Variants in EIF4G1 observed in about 807,000 individuals in gnomAD.
EIF4G1 encodes the protein eukaryotic translation initiation factor 4 gamma 1.
Under a neutral mutation model 187.8 loss-of-function variants are expected in EIF4G1, and 4 were observed. That is an observed-to-expected ratio of 0.02 (90% CI 0.01 to 0.05). EIF4G1 has a LOEUF of 0.05. Among genes scored for constraint, EIF4G1 ranks in the 10% least tolerant of loss-of-function variants. EIF4G1 has a pLI of 1.00. For synonymous variants in EIF4G1, 844 were observed against 781.4 expected (o/e 1.08, Z -1.34); for missense variants, 1,647 against 2,081.1 (o/e 0.79, Z 4.06).
Position 184,317,382 on chromosome 3 carries a change from C to G in EIF4G1, c.209C>G (p.Ala70Gly), listed in dbSNP as rs1722986368. The G allele has an allele frequency of 1.9e-6, 3 of 1,613,978 alleles. No homozygotes were observed. The highest frequency in any genetic ancestry group is 1.3e-5 in the African/African-American group (1 of 74,892). The change falls in exon 5 of 33, where the codon GCC becomes GGC. Residue 70 changes from alanine (A) to glycine (G), a missense_variant. Coordinates refer to ENST00000346169, the MANE Select transcript of EIF4G1 (RefSeq NM_198241.3). ...SSAASRVQSA[A>G]PARPGPAAHV... Reference sequence around the variant, plus strand: ...GCAGCCTCCCGAGTGCAGAGTGCAGCCCCTGCCCGCCCTGGCCCAGCTGCC... The same window carrying G: ...GCAGCCTCCCGAGTGCAGAGTGCAGGCCCTGCCCGCCCTGGCCCAGCTGCC...
intron 32 of EIF4G1, among the ~76,000 whole-genome samples, chr3:184,333,783 T>C (rs1560234854): frequency 6.6e-6 from 1 of 152,332 alleles, no homozygotes; most frequent in East Asian, 1.9e-4. Flanking sequence ...AACAGGGCTT[T>C]TTGTTTTTAG....
chr3:184,328,183 G>A, intron 26 of EIF4G1, 181 bp downstream of exon 26: 1 of 686,912 alleles, frequency 1.5e-6, no homozygotes, highest in Non-Finnish European at 2.5e-6. Flanking sequence ...GATCACGTGA[G>A]GTTGGGAGTT....
chr3:184,317,536 C>T, intron 5 of EIF4G1, 39 bp downstream of exon 5: 1 of 1,611,726 alleles, frequency 6.2e-7, no homozygotes, highest in South Asian at 1.1e-5. Flanking sequence ...CCACAGACCC[C>T]TATACCTCTC....
rs1577204568 is a variant in EIF4G1 at position 184,321,302 on chromosome 3, A to G, written c.718A>G (p.Ile240Val). 2 of 1,614,112 alleles carry G rather than the reference A, an allele frequency of 1.2e-6. No individual in the cohort carries two copies. The highest frequency in any genetic ancestry group is 1.3e-5 in the African/African-American group (1 of 75,014). ...TGCAGATGACCGGTCACAGGGAGCAATCATTGCTGACCGGCCAGGGCTGCC... is the reference window on the plus strand; with the variant it reads ...TGCAGATGACCGGTCACAGGGAGCAGTCATTGCTGACCGGCCAGGGCTGCC... ...VRPDDRSQGA[I>V]IADRPGLPGP... is the part of the protein sequence containing the mutation. Residue 240 changes from isoleucine to valine, a missense_variant, in exon 10 of 33, where the codon ATC (isoleucine) becomes GTC (valine). This residue lies in a region of EIF4G1 where 522 missense variants were observed against 485.2 expected (regional missense o/e 1.08). Coordinates refer to ENST00000346169, the MANE Select transcript of EIF4G1 (RefSeq NM_198241.3).
intron 26 of EIF4G1, chr3:184,328,288 G>A (rs1207574558): frequency 2.1e-6 from 1 of 484,824 alleles, no homozygotes; most frequent in African/African-American, 1.9e-5. Context: ...GCTACTCGGA[G>A]GCTGAGGCAG....
Position 184,325,810 on chromosome 3 carries a change from G to C in EIF4G1, c.3122-41G>C. 1 of 1,613,904 alleles carries C rather than the reference G, an allele frequency of 6.2e-7. No individual in the cohort carries two copies. Among genetic ancestry groups the C allele is most frequent in the Non-Finnish European group, 8.5e-7 (1 of 1,179,768 alleles). On this transcript the variant is annotated intron_variant, in intron 20 of 32. Transcript: ENST00000346169. This position sits in a 1 kb window ranked among gnomAD's most constrained non-coding sequence, Gnocchi z 5.2. ...TGGCCCAAGGGGAAGGGGCTGCTAG[G>C]ATTTATTCATTATTCCAGTATGCCC... is the stretch of plus-strand genomic sequence containing the variant.
In EIF4G1 at chr3:184,333,579, G is replaced by A. The variant is rs16858680; in HGVS notation, c.4619-1148G>A. ...ATGCCAGATGCTGCTGTGAGCGTTT[G>A]TAGGAGTGGGCCTGAAAATGCAGGA... On this transcript the variant is annotated intron_variant, in intron 32 of 32. Coordinates refer to ENST00000346169, the MANE Select transcript of EIF4G1 (RefSeq NM_198241.3). Among the ~76,000 whole-genome samples the A allele has an allele frequency of 8.0e-3, 1,211 of 152,248 alleles. 17 individuals are homozygous for A. Among genetic ancestry groups the A allele is most frequent in the African/African-American group, 0.027 (1,133 of 41,542 alleles).
chr3:184,321,289 G>C lies in EIF4G1; in HGVS notation c.705G>C (p.Arg235=). The change falls in exon 10 of 33, where the codon CGG becomes CGC. Residue 235 remains arginine, a synonymous_variant. Coordinates refer to ENST00000346169, the MANE Select transcript of EIF4G1 (RefSeq NM_198241.3). ...TTCCTTCCTATGGTGCAGATGACCG[G>C]TCACAGGGAGCAATCATTGCTGACC... ...QVAVIVRPDD[R]SQGAIIADRP... 6.2e-7 allele frequency: 1 copy of C among 1,614,076 alleles called. No individual in the cohort carries two copies. The highest frequency in any genetic ancestry group is 8.5e-7 in the Non-Finnish European group (1 of 1,180,036).
intron 7 of EIF4G1, 137 bp downstream of exon 7, chr3:184,319,938 G>C: frequency 1.4e-6 from 1 of 718,532 alleles, no homozygotes; most frequent in Non-Finnish European, 2.5e-6. Flanking sequence ...TGTCTGTGGA[G>C]GGCTCAGGTT....
At position 184,325,724 on chromosome 3, in the gene EIF4G1, C is replaced by A. The variant is rs530888556; in HGVS notation, c.3121+85C>A. On this transcript the variant is annotated intron_variant, in intron 20 of 32. Transcript: ENST00000346169. This position sits in a 1 kb window ranked among gnomAD's most constrained non-coding sequence, Gnocchi z 5.2. ...CTCTGATGACTTCCTGTTAGTGCCA[C>A]GTGTCTGGGCCACTGAGACACCATG... 3.1e-6 allele frequency: 5 copies of A among 1,610,990 alleles called. No homozygotes were observed. Among genetic ancestry groups the A allele is most frequent in the Non-Finnish European group, 4.2e-6 (5 of 1,177,452 alleles).
Position 184,325,679 on chromosome 3 carries a change from G to A in EIF4G1, c.3121+40G>A. On this transcript the variant is annotated intron_variant, in intron 20 of 32. Transcript: ENST00000346169. The surrounding 1 kb of genome is among the most constrained non-coding windows in gnomAD (Gnocchi z 5.2). The stretch of plus-strand genomic sequence containing the variant: ...GGGATTGAGAAGGGAGCAGTGAAGG[G>A]ACCGGGAGGTTATACTTTCCTCTGA... The A allele has an allele frequency of 6.2e-7, 1 of 1,614,116 alleles. No homozygotes were observed. The highest frequency in any genetic ancestry group is 8.5e-7 in the Non-Finnish European group (1 of 1,180,030).
chr3:184,335,192 T>TG lies in EIF4G1; in HGVS notation c.*285dup, dbSNP rs1726888287. The TG allele has an allele frequency of 2.3e-6, 1 of 426,388 alleles. No homozygotes were observed. The highest frequency in any genetic ancestry group is 2.0e-5 in the African/African-American group (1 of 50,168). The allele number at this position is 426,388 out of a possible 1,614,324, so 26.4% of individuals were successfully genotyped here. A position where few individuals can be genotyped will look rare whatever the true frequency, so the allele number is the denominator to read the frequency against. On this transcript the variant is annotated 3_prime_UTR_variant, in exon 33 of 33. Coordinates refer to ENST00000346169, the MANE Select transcript of EIF4G1 (RefSeq NM_198241.3). ...TGGGGTGGGGAGGGGCACCAACGCC[T>TG]GCCCCTGGGGTCCTTTTTTTTATTT...
At chr3:184,317,258 G>C in intron 4 of EIF4G1, 63 bp from the exon 5 acceptor site, 2 of 1,578,298 alleles carry the variant, frequency 1.3e-6, no homozygotes, top group Admixed American at 3.3e-5. Context: ...ACATTGTGGA[G>C]TGGCAATTTT....
At chr3:184,317,967 T>G in intron 6 of EIF4G1, 151 bp downstream of exon 6, 1 of 687,866 alleles carries the variant, frequency 1.5e-6, no homozygotes, top group Non-Finnish European at 2.6e-6. Context: ...TGCTTAATAT[T>G]TAACTGGTGT....
chr3:184,325,895 C>A lies in EIF4G1; in HGVS notation c.3166C>A (p.Pro1056Thr). The A allele has an allele frequency of 6.2e-7, 1 of 1,614,068 alleles. No homozygotes were observed. The highest frequency in any genetic ancestry group is 8.5e-7 in the Non-Finnish European group (1 of 1,180,018). ...GGATGATGGTGGCTGGAACACAGTT[C>A]CCATCAGCAAAGGTAGCCGCCCCAT... ...LVDDGGWNTV[P>T]ISKGSRPIDT... Residue 1056 changes from proline to threonine, a missense_variant, in exon 21 of 33, where the codon CCC becomes ACC. Pro to Thr is a conservative substitution (Grantham distance 38, BLOSUM62 -1). Around this residue, in one of 11 missense-constraint regions of EIF4G1, gnomAD observed 142 missense variants for 296.6 expected, o/e 0.48. Coordinates refer to ENST00000346169, the MANE Select transcript of EIF4G1 (RefSeq NM_198241.3). The surrounding 1 kb of genome is among the most constrained non-coding windows in gnomAD (Gnocchi z 5.2).
chr3:184,327,266 G>A lies in EIF4G1; in HGVS notation c.3479G>A (p.Arg1160His), dbSNP rs139135683. The change falls in exon 24 of 33, where the codon CGC (arginine) becomes CAC (histidine). Residue 1160 changes from arginine (R) to histidine (H), a missense_variant. By Grantham distance (29) the Arg-to-His change is conservative. Coordinates refer to ENST00000346169, the MANE Select transcript of EIF4G1 (RefSeq NM_198241.3). Reference protein sequence around the residue: ...RGEKAGDRGDRLERSERGGDR... With the variant: ...RGEKAGDRGDHLERSERGGDR... ...GAGAAAGCTGGAGACCGAGGAGACC[G>A]CCTAGAGCGGAGTGAACGGGGAGGG... 141 of 1,613,430 alleles carry A rather than the reference G, an allele frequency of 8.7e-5. No individual in the cohort carries two copies. The highest frequency in any genetic ancestry group is 1.1e-4 in the Non-Finnish European group (132 of 1,180,058).
rs974141011 is a variant in EIF4G1, at chr3:184,315,785, G to C, written c.-12G>C. ...CAGGTGCTGGGGGGACCCTGATGTG[G>C]CACCAAATGAAATGAACAAAGCTCC... On this transcript the variant is annotated 5_prime_UTR_variant, in exon 3 of 33. Coordinates refer to ENST00000346169, the MANE Select transcript of EIF4G1 (RefSeq NM_198241.3). 6 of 1,551,634 alleles carry C rather than the reference G, an allele frequency of 3.9e-6. No homozygotes were observed. The highest frequency in any genetic ancestry group is 5.2e-6 in the Non-Finnish European group (6 of 1,146,954).
At position 184,331,286 on chromosome 3, in the gene EIF4G1, G is replaced by T; in HGVS notation, c.4182G>T (p.Thr1394=). The change falls in exon 29 of 33, where the codon ACG becomes ACT. Residue 1394 remains threonine (T), a synonymous_variant. Transcript: ENST00000346169. Reference sequence around the variant, plus strand: ...TCCAGGGTCCTAAAAAGGTGGGGACGCTGTGGCGAGAAGCCGGGCTTAGCT... The same window carrying T: ...TCCAGGGTCCTAAAAAGGTGGGGACTCTGTGGCGAGAAGCCGGGCTTAGCT... ...CKSMGPKKVG[T]LWREAGLSWK... The T allele has an allele frequency of 1.2e-6, 2 of 1,614,190 alleles. No homozygotes were observed. The highest frequency in any genetic ancestry group is 1.7e-6 in the Non-Finnish European group (2 of 1,180,032).
chr3:184,335,100 G>A lies in EIF4G1; in HGVS notation c.*192G>A. On this transcript the variant is annotated 3_prime_UTR_variant, in exon 33 of 33. Transcript: ENST00000346169. ...GGGCCCCCCTCCAGGATGCCGCCAG[G>A]TGTCCCTCTCCTCCCCCTGGGGCAC... 3 of 673,768 alleles carry A rather than the reference G, an allele frequency of 4.5e-6. No homozygotes were observed. The highest frequency in any genetic ancestry group is 2.7e-5 in the East Asian group (1 of 36,418). The allele number at this position is 673,768 out of a possible 1,614,324, so 41.7% of individuals were successfully genotyped here.
Sources: allele counts gnomAD v4.1 joint callset (sites outside exome capture counted in the v4.1 genomes callset), GRCh38; gene constraint gnomAD v4.1.1; regional missense constraint gnomAD v4.1.1; non-coding constraint Gnocchi (gnomAD v3.1); transcripts MANE v1.5; gene names NCBI Gene and HGNC (gene_info 2026-07-23, HGNC 2026-07-21).